MRTFB: variants seen among roughly 807,000 people sequenced by gnomAD.
MRTFB encodes myocardin related transcription factor B.
A neutral mutation model predicts 104.2 loss-of-function variants in MRTFB; 29 were observed. That is an observed-to-expected ratio of 0.28 (90% CI 0.21 to 0.38). The LOEUF is 0.38. Ranked by LOEUF, MRTFB falls within the 10% of genes least tolerant of loss-of-function variation. MRTFB has a pLI of 1.00. For synonymous variants in MRTFB, 535 were observed against 519.5 expected (o/e 1.03, Z -0.41); for missense variants, 1,270 against 1,341.6 (o/e 0.95, Z 0.83).
chr16:14,205,945 C>T (rs1400078904), intron 3 of MRTFB, among the ~76,000 whole-genome samples: 1 of 152,182 alleles, frequency 6.6e-6, no homozygotes, highest in East Asian at 1.9e-4. Flanking sequence ...GAAAACAGTA[C>T]CAGGCCAGTG....
In MRTFB at chr16:14,098,501, G is replaced by A. The variant is rs533742950; in HGVS notation, c.-64+19147G>A. Among the ~76,000 whole-genome samples the A allele has an allele frequency of 5.9e-5, 9 of 152,204 alleles. No homozygotes were observed. In the East Asian group the frequency reaches 1.7e-3, roughly 29 times the overall value. On this transcript the variant is annotated intron_variant, in intron 2 of 16. Coordinates refer to ENST00000571589, the MANE Select transcript of MRTFB (RefSeq NM_001308142.2). ...TTATGATTTGCAATATTTTATCTCAGCCTATGACTTATCTTTTCACCCTCT... is the reference window on the plus strand; with the variant it reads ...TTATGATTTGCAATATTTTATCTCAACCTATGACTTATCTTTTCACCCTCT...
the MRTFB span, among the ~76,000 whole-genome samples, chr16:14,036,172 T>A: frequency 2.3e-5 from 2 of 86,438 alleles, no homozygotes; most frequent in African/African-American, 4.4e-5. Context: ...AAAATATATA[T>A]TATATATTAT....
chr16:14,155,199 T>C (rs2038783202), intron 3 of MRTFB, among the ~76,000 whole-genome samples: 1 of 152,070 alleles, frequency 6.6e-6, no homozygotes, highest in South Asian at 2.1e-4. Context: ...CCTTATTAGA[T>C]ATACCTCTTT....
At chr16:13,996,293 G>GAA in the MRTFB span, among the ~76,000 whole-genome samples, 60 of 144,682 alleles carry the variant, frequency 4.1e-4, no homozygotes, top group African/African-American at 1.1e-3. Context: ...CAACAACAAA[G>GAA]AAAAAAAAAA....
intron 3 of MRTFB, among the ~76,000 whole-genome samples, chr16:14,166,819 G>A (rs2039259872): frequency 6.6e-6 from 1 of 152,118 alleles, no homozygotes; most frequent in South Asian, 2.1e-4. Flanking sequence ...CTGCATCCAT[G>A]TCCCTGCAAA....
chr16:14,233,357 T>G (rs1216480102), intron 8 of MRTFB, among the ~76,000 whole-genome samples: 1 of 152,126 alleles, frequency 6.6e-6, no homozygotes, highest in African/African-American at 2.4e-5. Flanking sequence ...TAAAGCACAT[T>G]TATGGACACA....
chr16:14,017,056 C>T, the MRTFB span, among the ~76,000 whole-genome samples: 31 of 125,410 alleles, frequency 2.5e-4, no homozygotes, highest in African/African-American at 8.2e-4. Flanking sequence ...CAGTCTTCTT[C>T]TTTTTTTTTT....
intron 2 of MRTFB, among the ~76,000 whole-genome samples, chr16:14,086,385 T>A (rs2034704003): frequency 6.6e-6 from 1 of 152,228 alleles, no homozygotes; most frequent in African/African-American, 2.4e-5. Context: ...GAGCAGCAGT[T>A]ATTTGCATGT....
the MRTFB span, among the ~76,000 whole-genome samples, chr16:14,023,108 A>T: frequency 6.6e-6 from 1 of 152,006 alleles, no homozygotes; most frequent in East Asian, 1.9e-4. Context: ...CTCTAGTGAA[A>T]GGGAGCAGCT....
At chr16:14,260,133 T>C (rs2043703259) in intron 16 of MRTFB, among the ~76,000 whole-genome samples, 1 of 152,170 alleles carries the variant, frequency 6.6e-6, no homozygotes, top group South Asian at 2.1e-4. Flanking sequence ...TAACACATAA[T>C]GAAGACATTT....
At chr16:14,248,859 C>T (rs1036139918) in intron 12 of MRTFB, 67 bp from the exon 13 acceptor site, 4 of 1,559,792 alleles carry the variant, frequency 2.6e-6, no homozygotes, top group Non-Finnish European at 3.5e-6. Flanking sequence ...TGATTCTACA[C>T]CTAAGTTCTG....
At chr16:14,200,620 C>A in intron 3 of MRTFB, 1 of 1,585,178 alleles carries the variant, frequency 6.3e-7, no homozygotes, top group Non-Finnish European at 8.7e-7. Flanking sequence ...TAATGGTTGG[C>A]CTACGTTGGT....
the MRTFB span, among the ~76,000 whole-genome samples, chr16:13,997,411 T>C: frequency 6.6e-6 from 1 of 152,174 alleles, no homozygotes; most frequent in Non-Finnish European, 1.5e-5. Flanking sequence ...TTTTGTCTCT[T>C]TTATGCCCAG....
chr16:14,089,733 G>C (rs537956066), intron 2 of MRTFB, among the ~76,000 whole-genome samples: 156 of 152,232 alleles, frequency 1.0e-3, no homozygotes, highest in Non-Finnish European at 1.7e-3. Flanking sequence ...TTTGTGTGAA[G>C]GTGCACCTTT....
intron 16 of MRTFB, 44 bp from the exon 17 acceptor site, chr16:14,260,865 G>A: frequency 6.7e-7 from 1 of 1,492,440 alleles, no homozygotes; most frequent in Non-Finnish European, 9.1e-7. Context: ...TTTTTAAGTA[G>A]TAGTAAATCT....
At position 14,258,490 on chromosome 16, in the gene MRTFB, G is replaced by A. The variant is rs2043615453; in HGVS notation, c.2764+329G>A. 2.0e-5 allele frequency among the ~76,000 whole-genome samples: 3 copies of A among 152,158 alleles called. No homozygotes were observed. In the South Asian group the frequency reaches 6.2e-4, roughly 31 times the overall value. On this transcript the variant is annotated intron_variant, in intron 16 of 16. Transcript: ENST00000571589. ...ACACCCCTGGGGTCCCAGCTACTAG[G>A]AAGTTGAGGTAGGAAGATTGCTTGA...
chr16:14,242,609 C>T (rs1053861385), intron 10 of MRTFB, among the ~76,000 whole-genome samples: 2 of 152,066 alleles, frequency 1.3e-5, no homozygotes, highest in African/African-American at 4.8e-5. Context: ...AAGGAGCAAG[C>T]GCCCAAAGGG....
the MRTFB span, among the ~76,000 whole-genome samples, chr16:14,022,593 C>T: frequency 1.3e-5 from 2 of 152,060 alleles, no homozygotes; most frequent in Non-Finnish European, 2.9e-5. Context: ...GACAGGGTTT[C>T]ACCATGTTGG....
intron 9 of MRTFB, among the ~76,000 whole-genome samples, chr16:14,237,764 C>G (rs1020331549): frequency 3.3e-5 from 5 of 152,064 alleles, no homozygotes; most frequent in Non-Finnish European, 5.9e-5. Flanking sequence ...GGCAGGCACT[C>G]AGCTCTGTGC....
Sources: allele counts gnomAD v4.1 joint callset (sites outside exome capture counted in the v4.1 genomes callset), GRCh38; gene constraint gnomAD v4.1.1; transcripts MANE v1.5; gene names NCBI Gene and HGNC (gene_info 2026-07-23, HGNC 2026-07-21).